AKAP8: variants seen among roughly 807,000 people sequenced by gnomAD.
The protein encoded by AKAP8 is A-kinase anchoring protein 8.
A neutral mutation model predicts 67.5 loss-of-function variants in AKAP8; 24 were observed. That is an observed-to-expected ratio of 0.36 (90% CI 0.26 to 0.50). The LOEUF (loss-of-function observed/expected upper bound fraction) is 0.50, where lower values mean the gene tolerates loss of function less well. Ranked by LOEUF, AKAP8 falls within the 20% of genes least tolerant of loss-of-function variation. The probability of loss-of-function intolerance (pLI) is 0.97; values close to 1 mark genes in which losing one functional copy is unlikely to be tolerated. For missense variants in AKAP8, 971 were observed against 955.9 expected (o/e 1.02, Z -0.21); for synonymous variants, 400 against 371.1 (o/e 1.08, Z -0.90).
chr19:15,363,602 C>T (rs569607701), intron 9 of AKAP8, among the ~76,000 whole-genome samples: 39 of 151,492 alleles, frequency 2.6e-4, no homozygotes, highest in African/African-American at 9.2e-4. Flanking sequence ...GCCCGGCCGC[C>T]CCTACTGGGA....
rs34132091 is a variant in AKAP8 at position 15,364,158 on chromosome 19, C to CT, written c.1161-1908dup. Among the ~76,000 whole-genome samples the CT allele has an allele frequency of 7.0e-3, 297 of 42,560 alleles. 19 individuals are homozygous for CT. The highest frequency in any genetic ancestry group is 0.012 in the African/African-American group (122 of 10,110). The allele number at this position is 42,560 out of a possible 152,430, so 27.9% of individuals were successfully genotyped here. A position where few individuals can be genotyped will look rare whatever the true frequency, so the allele number is the denominator to read the frequency against. Reference sequence around the variant, plus strand: ...GATTTTCAGTAATTTTTTTTCTTTCCTTTTTTTTTTTTTTTTTTTGGAGAT... The same window carrying CT: ...GATTTTCAGTAATTTTTTTTCTTTCCTTTTTTTTTTTTTTTTTTTTGGAGAT... On this transcript the variant is annotated intron_variant, in intron 9 of 13. Coordinates refer to ENST00000269701, the MANE Select transcript of AKAP8 (RefSeq NM_005858.4).
intron 8 of AKAP8, chr19:15,368,707 C>T: frequency 1.5e-5 from 15 of 985,296 alleles, no homozygotes; most frequent in Non-Finnish European, 1.8e-5. Context: ...GATGAAGAGG[C>T]GGCAGCTGAA....
chr19:15,374,187 G>A (rs2145085239), intron 3 of AKAP8, 122 bp from the exon 4 acceptor site: 1 of 1,193,874 alleles, frequency 8.4e-7, no homozygotes, highest in Non-Finnish European at 1.1e-6. Context: ...ACCCAGTGCT[G>A]CTGGCATCAC....
In AKAP8 at chr19:15,374,013, G is replaced by A. The variant is rs753083714; in HGVS notation, c.144C>T (p.Gly48=). 30 of 1,602,220 alleles carry A rather than the reference G, an allele frequency of 1.9e-5. No homozygotes were observed. Among genetic ancestry groups the A allele is most frequent in the South Asian group, 4.4e-5 (4 of 90,258 alleles). Residue 48 remains glycine, a synonymous_variant, in exon 4 of 14, where the codon GGC becomes GGT. Coordinates refer to ENST00000269701, the MANE Select transcript of AKAP8 (RefSeq NM_005858.4). ...AGGCTGGGCCGTAGCTGTAGGTTGC[G>A]CCTGTGGTGACACTGGTGTTCTGGG... ...YGAQNTSVTT[G]ATYSYGPASW... is the part of the protein sequence containing the mutation.
At position 15,353,623 on chromosome 19, in the gene AKAP8, A is replaced by G; in HGVS notation, c.*1292T>C. ...TAAGGCTCCTCATGAGCAGGGCCCA[A>G]TTCCTAGAATGTGCTTGGTGAGTTA... On this transcript the variant is annotated 3_prime_UTR_variant, in exon 14 of 14. Transcript: ENST00000269701. 6.6e-6 allele frequency: 1 copy of G among 152,138 alleles called. No homozygotes were observed. Among genetic ancestry groups the G allele is most frequent in the Non-Finnish European group, 1.5e-5 (1 of 68,032 alleles). 9.4% of individuals were successfully genotyped at this position (152,138 alleles called of 1,614,324 possible).
At chr19:15,379,119 C>G (rs1967317275) in intron 1 of AKAP8, 1 of 152,860 alleles carries the variant, frequency 6.5e-6, no homozygotes, top group South Asian at 2.0e-4. Flanking sequence ...CCGCGCTGCA[C>G]CGGGGACTAA....
chr19:15,361,079 T>C, intron 11 of AKAP8, 101 bp from the exon 12 acceptor site: 2 of 1,452,472 alleles, frequency 1.4e-6, no homozygotes, highest in Non-Finnish European at 9.3e-7. Flanking sequence ...CTCTAAGGAA[T>C]CAGAAGGGCA....
chr19:15,361,054 G>A (rs569099524), intron 11 of AKAP8, 76 bp from the exon 12 acceptor site: 131 of 1,539,850 alleles, frequency 8.5e-5, no homozygotes, highest in Middle Eastern at 1.7e-4. Flanking sequence ...CTGGGCCCAC[G>A]TTTTCTCCCT....
At chr19:15,373,760 G>C (rs765005382) in intron 4 of AKAP8, 26 bp downstream of exon 4, 12 of 1,589,826 alleles carry the variant, frequency 7.5e-6, no homozygotes, top group Admixed American at 1.7e-5. Context: ...GTGGGGTCCC[G>C]GGGGAGGGCT....
Position 15,357,241 on chromosome 19 carries a change from G to C in AKAP8, c.1623+1726C>G, listed in dbSNP as rs899215477. ...CCCAAAGTGCTGGGATTACAGGCGT[G>C]AGCCACCACGCCCGGCCACCCCATC... On this transcript the variant is annotated intron_variant, in intron 13 of 13. Coordinates refer to ENST00000269701, the MANE Select transcript of AKAP8 (RefSeq NM_005858.4). 7.3e-5 allele frequency among the ~76,000 whole-genome samples: 11 copies of C among 150,574 alleles called. No homozygotes were observed. In the East Asian group the frequency reaches 2.2e-3, roughly 31 times the overall value.
At chr19:15,361,900 C>A (rs1049777799) in intron 10 of AKAP8, 78 bp from the exon 11 acceptor site, 15 of 1,460,984 alleles carry the variant, frequency 1.0e-5, no homozygotes, top group Middle Eastern at 1.7e-4. Flanking sequence ...CAGGGCTAGG[C>A]AGGCAGCTAT....
Position 15,372,547 on chromosome 19 carries a change from C to A in AKAP8, c.862-200G>T, listed in dbSNP as rs139350935. 3.9e-5 allele frequency among the ~76,000 whole-genome samples: 6 copies of A among 152,014 alleles called. 1 individual carries two copies. In the East Asian group the frequency reaches 1.2e-3, roughly 29 times the overall value. ...CAGGAACAAAAGGCCACACGTTTCGCGACTCCATTTGTGCAAAATGTCTAG... is the reference window on the plus strand; with the variant it reads ...CAGGAACAAAAGGCCACACGTTTCGAGACTCCATTTGTGCAAAATGTCTAG... On this transcript the variant is annotated intron_variant, in intron 5 of 13. Coordinates refer to ENST00000269701, the MANE Select transcript of AKAP8 (RefSeq NM_005858.4).
chr19:15,372,037 A>G, intron 6 of AKAP8, 39 bp from the exon 7 acceptor site: 1 of 1,613,450 alleles, frequency 6.2e-7, no homozygotes, highest in Non-Finnish European at 8.5e-7. Flanking sequence ...GTCCCCGGAG[A>G]ACGGTCCCAT....
intron 7 of AKAP8, among the ~76,000 whole-genome samples, chr19:15,370,488 G>A (rs576420944): frequency 2.4e-4 from 36 of 152,252 alleles, no homozygotes; most frequent in African/African-American, 8.4e-4. Context: ...AGACCCACCC[G>A]TACAATTCTA....
chr19:15,360,143 CAAAA>C (rs1043188616), intron 12 of AKAP8, among the ~76,000 whole-genome samples: 1 of 151,138 alleles, frequency 6.6e-6, no homozygotes, highest in African/African-American at 2.4e-5. Flanking sequence ...AAAAAAAAAA[CAAAA>C]AAACAAAAAC....
intron 11 of AKAP8, 98 bp from the exon 12 acceptor site, chr19:15,361,076 G>T: frequency 6.8e-7 from 1 of 1,460,062 alleles, no homozygotes; most frequent in Non-Finnish European, 9.2e-7. Context: ...CAACTCTAAG[G>T]AATCAGAAGG....
At chr19:15,363,654 G>A (rs1020617325) in intron 9 of AKAP8, among the ~76,000 whole-genome samples, 4 of 152,078 alleles carry the variant, frequency 2.6e-5, no homozygotes, top group Non-Finnish European at 5.9e-5. Flanking sequence ...TGTCTGGGAG[G>A]TGTACCCAAC....
chr19:15,372,779 G>A (rs550486558), intron 5 of AKAP8, 72 bp downstream of exon 5: 3 of 1,449,124 alleles, frequency 2.1e-6, no homozygotes, highest in Non-Finnish European at 2.7e-6. Flanking sequence ...GTTGAGATGG[G>A]GAAATTTTAC....
In AKAP8 at chr19:15,373,191, C is replaced by T. The variant is rs759068489; in HGVS notation, c.521G>A (p.Arg174Gln). Residue 174 changes from arginine to glutamine, a missense_variant, in exon 5 of 14, where the codon CGA becomes CAA. Physicochemically the swap from Arg to Gln is conservative, Grantham distance 43 (BLOSUM62 1). This residue lies in a region of AKAP8 where 763 missense variants were observed against 745.4 expected (regional missense o/e 1.02). Transcript: ENST00000269701. ...GSFGGQYSEC[R>Q]DPARERGSLD... ...GGAGCCCCGCTCCCGGGCTGGGTCTCGGCATTCACTGTACTGCCCCCCAAA... is the reference window on the plus strand; with the variant it reads ...GGAGCCCCGCTCCCGGGCTGGGTCTTGGCATTCACTGTACTGCCCCCCAAA... 19 of 1,613,750 alleles carry T rather than the reference C, an allele frequency of 1.2e-5. 1 individual carries two copies. The highest frequency in any genetic ancestry group is 4.5e-5 in the East Asian group (2 of 44,882).
Sources: allele counts gnomAD v4.1 joint callset (sites outside exome capture counted in the v4.1 genomes callset), GRCh38; gene constraint gnomAD v4.1.1; regional missense constraint gnomAD v4.1.1; transcripts MANE v1.5; gene names NCBI Gene and HGNC (gene_info 2026-07-23, HGNC 2026-07-21).